Variants in RBFOX1 observed in about 807,000 individuals in gnomAD.
RBFOX1 encodes RNA binding protein fox-1 homolog 1.
Under a neutral mutation model 57.7 loss-of-function variants are expected in RBFOX1, and 8 were observed. That is an observed-to-expected ratio of 0.14 (90% CI 0.08 to 0.25). RBFOX1 has a LOEUF of 0.25. Ranked by LOEUF, RBFOX1 falls within the 10% of genes least tolerant of loss-of-function variation. The probability of loss-of-function intolerance (pLI) is 1.00; values close to 1 mark genes in which losing one functional copy is unlikely to be tolerated. For missense variants in RBFOX1, 611 were observed against 548.5 expected, an observed-to-expected ratio of 1.11 and a Z score of -1.14; for synonymous variants, 326 against 222.4, an observed-to-expected ratio of 1.47 and a Z score of -4.15.
chr16:7,152,376 G>T (rs1389499368), intron 4 of RBFOX1, among the ~76,000 whole-genome samples: 1 of 152,194 alleles, frequency 6.6e-6, no homozygotes, highest in Non-Finnish European at 1.5e-5. Flanking sequence ...CTCCATGGTT[G>T]CATCCAGTAC....
chr16:6,374,223 G>A (rs2090875384), intron 2 of RBFOX1, among the ~76,000 whole-genome samples: 1 of 152,136 alleles, frequency 6.6e-6, no homozygotes, highest in Non-Finnish European at 1.5e-5. Context: ...AGAATGGAGG[G>A]CATTGTTTAG....
intron 1 of RBFOX1, among the ~76,000 whole-genome samples, chr16:6,102,453 A>G (rs1295393544): frequency 6.6e-6 from 1 of 152,288 alleles, no homozygotes; most frequent in East Asian, 1.9e-4. Flanking sequence ...AACAACATCA[A>G]TCATTGAATT....
chr16:6,720,873 T>G (rs1340325610), intron 3 of RBFOX1, among the ~76,000 whole-genome samples: 4 of 152,210 alleles, frequency 2.6e-5, no homozygotes, highest in Non-Finnish European at 5.9e-5. Context: ...TCCCTCTCTT[T>G]GCACAATCCA....
At chr16:6,544,147 C>A (rs776568764) in intron 2 of RBFOX1, among the ~76,000 whole-genome samples, 4 of 152,122 alleles carry the variant, frequency 2.6e-5, no homozygotes, top group African/African-American at 9.7e-5. Flanking sequence ...TAGATTGAAC[C>A]GAGTAACTTC....
chr16:6,191,510 C>A (rs2097141654), intron 1 of RBFOX1, among the ~76,000 whole-genome samples: 2 of 152,040 alleles, frequency 1.3e-5, no homozygotes, highest in Admixed American at 1.3e-4. Context: ...TTTACAACTG[C>A]CGTGTATCTC....
chr16:5,640,145 G>A lies in RBFOX1; in HGVS notation c.318+41184G>A, dbSNP rs191197720. ...GGTAGAAGTGGCCGCTTACCCAGGC[G>A]TGTGACTGGGGCCCCTTCCTCAGCA... On this transcript the variant is annotated intron_variant, in intron 3 of 19. Coordinates refer to the RBFOX1 transcript ENST00000641259. 8.5e-5 allele frequency among the ~76,000 whole-genome samples: 13 copies of A among 152,246 alleles called. No homozygotes were observed. The East Asian group carries it at 1.5e-3, about 18-fold the overall frequency.
chr16:7,071,041 A>C (rs1298823668), intron 4 of RBFOX1, among the ~76,000 whole-genome samples: 2 of 152,166 alleles, frequency 1.3e-5, no homozygotes, highest in Non-Finnish European at 2.9e-5. Flanking sequence ...ACTTCAAAAA[A>C]CAGCATAGCC....
At chr16:6,006,470 A>T (rs147285014) in intron 4 of RBFOX1, among the ~76,000 whole-genome samples, 32 of 152,320 alleles carry the variant, frequency 2.1e-4, no homozygotes, top group Non-Finnish European at 4.3e-4. Context: ...GGGCATTTTG[A>T]TGCAGTAACC....
intron 3 of RBFOX1, among the ~76,000 whole-genome samples, chr16:5,677,512 C>G (rs192943315): frequency 6.6e-6 from 1 of 152,308 alleles, no homozygotes; most frequent in African/African-American, 2.4e-5. Flanking sequence ...CGCCTGCCTC[C>G]CTCATGTTGC....
chr16:7,531,570 A>T (rs913670842), intron 5 of RBFOX1, among the ~76,000 whole-genome samples: 1 of 152,198 alleles, frequency 6.6e-6, no homozygotes, highest in South Asian at 2.1e-4. Flanking sequence ...TACCCAGTCC[A>T]TGCTGGGGTC....
At chr16:7,301,790 A>G (rs945200001) in intron 4 of RBFOX1, among the ~76,000 whole-genome samples, 1 of 152,176 alleles carries the variant, frequency 6.6e-6, no homozygotes, top group Non-Finnish European at 1.5e-5. Flanking sequence ...CGTACAGCAG[A>G]TTGCTTGACG....
At chr16:5,335,555 A>T (rs1039932434) in intron 1 of RBFOX1, among the ~76,000 whole-genome samples, 17 of 151,842 alleles carry the variant, frequency 1.1e-4, no homozygotes, top group Non-Finnish European at 4.4e-5. Context: ...TCACTGGGGG[A>T]TTAGGGGACT....
At chr16:5,389,797 A>C (rs1490825651) in intron 1 of RBFOX1, among the ~76,000 whole-genome samples, 2 of 151,928 alleles carry the variant, frequency 1.3e-5, no homozygotes, top group East Asian at 1.9e-4. Context: ...ACCCAGGCTC[A>C]AGCGATTCTT....
At chr16:5,678,617 C>T (rs953871787) in intron 3 of RBFOX1, among the ~76,000 whole-genome samples, 2 of 152,128 alleles carry the variant, frequency 1.3e-5, no homozygotes, top group African/African-American at 4.8e-5. Context: ...TTGAGCCCGT[C>T]CCACAGGAAT....
chr16:5,724,033 G>A (rs1466709572), intron 3 of RBFOX1, among the ~76,000 whole-genome samples: 3 of 152,180 alleles, frequency 2.0e-5, no homozygotes, highest in South Asian at 2.1e-4. Context: ...AACCATTTGT[G>A]TGTCCGTGTG....
chr16:6,724,191 G>A (rs2066618654), intron 3 of RBFOX1, among the ~76,000 whole-genome samples: 1 of 151,506 alleles, frequency 6.6e-6, no homozygotes, highest in Admixed American at 6.6e-5. Context: ...TATGAGGACG[G>A]CGAGAAGGCA....
intron 3 of RBFOX1, among the ~76,000 whole-genome samples, chr16:7,043,396 G>C (rs1023938364): frequency 3.3e-5 from 5 of 152,090 alleles, no homozygotes; most frequent in Non-Finnish European, 7.4e-5. Flanking sequence ...CACAGCGCTA[G>C]GCAGTTAGTA....
At chr16:7,396,726 G>A (rs1030452438) in intron 4 of RBFOX1, among the ~76,000 whole-genome samples, 7 of 152,144 alleles carry the variant, frequency 4.6e-5, no homozygotes, top group African/African-American at 1.7e-4. Flanking sequence ...GATCACTTGA[G>A]GTCAGAAGTT....
intron 1 of RBFOX1, among the ~76,000 whole-genome samples, chr16:5,251,156 G>A (rs2062440919): frequency 6.6e-6 from 1 of 152,204 alleles, no homozygotes; most frequent in Non-Finnish European, 1.5e-5. Flanking sequence ...CAGGGACTCT[G>A]GCTTCCGAGC....
Sources: allele counts gnomAD v4.1 joint callset (sites outside exome capture counted in the v4.1 genomes callset), GRCh38; gene constraint gnomAD v4.1.1; transcripts MANE v1.5; gene names NCBI Gene and HGNC (gene_info 2026-07-23, HGNC 2026-07-21).